Variants in PLCE1 observed in about 807,000 individuals in gnomAD.
PLCE1 encodes 1-phosphatidylinositol 4,5-bisphosphate phosphodiesterase epsilon-1.
A neutral mutation model predicts 242.8 loss-of-function variants in PLCE1; 119 were observed. The ratio of observed to expected loss-of-function variants is 0.49; its 90% CI spans 0.42 to 0.57. The LOEUF is 0.57. Among genes scored for constraint, PLCE1 ranks in the 20% least tolerant of loss-of-function variants. PLCE1 has a pLI of 0.00. For missense variants in PLCE1, 2,441 were observed against 2,788.8 expected (o/e 0.88, Z 2.81); for synonymous variants, 945 against 1,017.4 (o/e 0.93, Z 1.35).
At chr10:94,209,898 T>C (rs1015413093) in intron 4 of PLCE1, among the ~76,000 whole-genome samples, 1 of 152,184 alleles carries the variant, frequency 6.6e-6, no homozygotes, top group African/African-American at 2.4e-5. Context: ...CCCACAGTTC[T>C]GTAAGGGAGG....
intron 2 of PLCE1, among the ~76,000 whole-genome samples, chr10:94,053,498 C>T (rs994094170): frequency 3.9e-5 from 6 of 152,320 alleles, no homozygotes; most frequent in East Asian, 1.9e-4. Context: ...CATTTATAGT[C>T]GGTTGCCCCT....
In PLCE1 at chr10:94,227,597, C is replaced by A. The variant is rs2049991764; in HGVS notation, c.1955+146C>A. 1.2e-5 allele frequency: 10 copies of A among 836,848 alleles called. No individual in the cohort carries two copies. In the East Asian group the frequency reaches 2.2e-4, roughly 18 times the overall value. The allele number at this position is 836,848 out of a possible 1,614,324, so 51.8% of individuals were successfully genotyped here. ...TGGGAAATGTATTATCTTCTTTCAG[C>A]ACCAAAGGCCCTGTCCCTCAAAGAT... On this transcript the variant is annotated intron_variant, in intron 5 of 32. Transcript: ENST00000371380.
At chr10:94,204,889 C>A (rs2049107922) in intron 4 of PLCE1, among the ~76,000 whole-genome samples, 1 of 151,926 alleles carries the variant, frequency 6.6e-6, no homozygotes, top group Admixed American at 6.6e-5. Flanking sequence ...CTCCTTTTGA[C>A]CATATTTTAT....
chr10:94,313,648 T>C (rs2053462758), intron 28 of PLCE1, among the ~76,000 whole-genome samples: 1 of 152,206 alleles, frequency 6.6e-6, no homozygotes, highest in African/African-American at 2.4e-5. Flanking sequence ...CTATATAAAA[T>C]ACCAGGCTCT....
intron 23 of PLCE1, 96 bp downstream of exon 23, chr10:94,293,735 C>G: frequency 7.3e-7 from 1 of 1,376,820 alleles, no homozygotes; most frequent in East Asian, 2.4e-5. Context: ...TTTTTTAATT[C>G]TTTTTCCTGA....
chr10:94,216,394 G>T (rs961668200), intron 4 of PLCE1, among the ~76,000 whole-genome samples: 6 of 152,188 alleles, frequency 3.9e-5, no homozygotes, highest in Non-Finnish European at 7.4e-5. Context: ...TGCTCATCAT[G>T]TGCTCTAGTG....
chr10:94,231,160 G>A lies in PLCE1; in HGVS notation c.1956-2894G>A, dbSNP rs188104104. ...TTTATAATCATAAAGATGAATAAAA[G>A]TTTTAAAAATAGTTTCAATTCTCAA... is the stretch of plus-strand genomic sequence containing the variant. On this transcript the variant is annotated intron_variant, in intron 5 of 32. Coordinates refer to ENST00000371380, the MANE Select transcript of PLCE1 (RefSeq NM_016341.4). 4.9e-3 allele frequency among the ~76,000 whole-genome samples: 742 copies of A among 152,254 alleles called. 25 individuals are homozygous for A. The highest frequency in any genetic ancestry group is 6.6e-4 in the Non-Finnish European group (45 of 68,008).
intron 3 of PLCE1, among the ~76,000 whole-genome samples, chr10:94,153,235 A>G (rs2047327182): frequency 1.3e-5 from 2 of 152,204 alleles, no homozygotes; most frequent in Admixed American, 1.3e-4. Flanking sequence ...AACATGTAAT[A>G]TATTCATATA....
At position 94,298,673 on chromosome 10, in the gene PLCE1, A is replaced by T; in HGVS notation, c.5458+4A>T. The T allele has an allele frequency of 6.2e-7, 1 of 1,614,006 alleles. No homozygotes were observed. The highest frequency in any genetic ancestry group is 8.5e-7 in the Non-Finnish European group (1 of 1,179,886). On this transcript the variant is annotated splice_donor_region_variant and intron_variant, in intron 24 of 32. Coordinates refer to ENST00000371380, the MANE Select transcript of PLCE1 (RefSeq NM_016341.4). The surrounding 1 kb of genome is among the most constrained non-coding windows in gnomAD (Gnocchi z 5.2). ...GCACTCAACTACCAGACTGATGGTA[A>T]GGGGCCTGCATGCTCACCTCGCTCC...
intron 4 of PLCE1, among the ~76,000 whole-genome samples, chr10:94,226,487 C>G (rs1436516140): frequency 6.6e-6 from 1 of 152,014 alleles, no homozygotes; most frequent in East Asian, 1.9e-4. Flanking sequence ...TAGAATGGCT[C>G]CTGGCACATA....
At chr10:94,225,573 G>A (rs1321588126) in intron 4 of PLCE1, among the ~76,000 whole-genome samples, 1 of 152,160 alleles carries the variant, frequency 6.6e-6, no homozygotes, top group African/African-American at 2.4e-5. Flanking sequence ...CGAGGTTGCA[G>A]TGAGCCAAGA....
Position 94,328,090 on chromosome 10 carries a change from T to G in PLCE1, c.*147T>G. On this transcript the variant is annotated 3_prime_UTR_variant, in exon 33 of 33. Coordinates refer to ENST00000371380, the MANE Select transcript of PLCE1 (RefSeq NM_016341.4). Reference sequence around the variant, plus strand: ...GAAGCCTTCACACATGTGAGATCCATGCTGAGGAGAAGCAAAATGGCACAG... The same window carrying G: ...GAAGCCTTCACACATGTGAGATCCAGGCTGAGGAGAAGCAAAATGGCACAG... 2.3e-6 allele frequency: 1 copy of G among 441,416 alleles called. No homozygotes were observed. Among genetic ancestry groups the G allele is most frequent in the Non-Finnish European group, 4.7e-6 (1 of 212,506 alleles). 27.3% of individuals were successfully genotyped at this position (441,416 alleles called of 1,614,324 possible). A position where few individuals can be genotyped will look rare whatever the true frequency, so the allele number is the denominator to read the frequency against.
rs748930163 is a variant in PLCE1, at chr10:94,089,111, G to A, written c.1207-43063G>A. Reference sequence around the variant, plus strand: ...TGGTGATTAATGGTTTCAGAAGGAAGTGCAGCAGGAAGAGACTTTGCAGGA... The same window carrying A: ...TGGTGATTAATGGTTTCAGAAGGAAATGCAGCAGGAAGAGACTTTGCAGGA... On this transcript the variant is annotated intron_variant, in intron 2 of 32. Transcript: ENST00000371380. 5.6e-6 allele frequency: 9 copies of A among 1,613,918 alleles called. No homozygotes were observed. The South Asian group carries it at 7.7e-5, about 14-fold the overall frequency.
chr10:94,059,454 G>A (rs1161063882), intron 2 of PLCE1, among the ~76,000 whole-genome samples: 1 of 152,176 alleles, frequency 6.6e-6, no homozygotes, highest in Admixed American at 6.5e-5. Context: ...CCTGGGTGGA[G>A]ATCTCAGATG....
At chr10:94,124,818 A>T (rs2046394048) in intron 2 of PLCE1, among the ~76,000 whole-genome samples, 1 of 152,252 alleles carries the variant, frequency 6.6e-6, no homozygotes, top group Admixed American at 6.5e-5. Context: ...CTCTAAGCCC[A>T]TCAGCAAATG....
At chr10:94,030,264 C>T (rs1199413876) in intron 1 of PLCE1, among the ~76,000 whole-genome samples, 1 of 152,142 alleles carries the variant, frequency 6.6e-6, no homozygotes, top group Non-Finnish European at 1.5e-5. Flanking sequence ...TATTTCTCTT[C>T]TACTCAGGTA....
At chr10:94,221,359 G>A (rs2049737400) in intron 4 of PLCE1, among the ~76,000 whole-genome samples, 1 of 152,206 alleles carries the variant, frequency 6.6e-6, no homozygotes, top group Admixed American at 6.5e-5. Flanking sequence ...GTGTGTACAT[G>A]CCCACATGTG....
At chr10:94,130,677 A>T (rs1388136745) in intron 2 of PLCE1, among the ~76,000 whole-genome samples, 1 of 152,192 alleles carries the variant, frequency 6.6e-6, no homozygotes, top group East Asian at 1.9e-4. Flanking sequence ...AATGACAGAG[A>T]ATTAAAGGTA....
intron 13 of PLCE1, 119 bp from the exon 14 acceptor site, chr10:94,262,375 G>C (rs1589437562): frequency 1.3e-6 from 1 of 791,408 alleles, no homozygotes; most frequent in East Asian, 2.4e-5. Flanking sequence ...TTGATGGCTT[G>C]TTTAGGTACA....
Sources: allele counts gnomAD v4.1 joint callset (sites outside exome capture counted in the v4.1 genomes callset), GRCh38; gene constraint gnomAD v4.1.1; non-coding constraint Gnocchi (gnomAD v3.1); transcripts MANE v1.5; gene names NCBI Gene and HGNC (gene_info 2026-07-23, HGNC 2026-07-21).